Variants in RBM46 observed in about 807,000 individuals in gnomAD.
RBM46 encodes RNA binding motif protein 46, also known as probable RNA-binding protein 46.
Under a neutral mutation model 43.3 loss-of-function variants are expected in RBM46, and 12 were observed. The ratio of observed to expected loss-of-function variants is 0.28; its 90% CI spans 0.18 to 0.45. RBM46 has a LOEUF of 0.45. RBM46 is among the 20% of genes least tolerant of loss of function. The pLI is 1.00. For missense variants in RBM46, 412 were observed against 639.1 expected, an observed-to-expected ratio of 0.64 and a Z score of 3.83; for synonymous variants, 205 against 207.6, an observed-to-expected ratio of 0.99 and a Z score of 0.11.
chr4:154,820,886 A>C (rs964586935), intron 4 of RBM46, among the ~76,000 whole-genome samples: 1 of 151,870 alleles, frequency 6.6e-6, no homozygotes, highest in African/African-American at 2.4e-5. Flanking sequence ...AGGAAGTTAA[A>C]AGATAGCTTA....
chr4:154,817,408 C>T (rs1457229221), intron 4 of RBM46, among the ~76,000 whole-genome samples: 1 of 150,262 alleles, frequency 6.7e-6, no homozygotes, highest in African/African-American at 2.5e-5. Context: ...TCTCGGCTCA[C>T]TGCAACCTCC....
chr4:154,822,136 A>G (rs2111213008), intron 4 of RBM46, among the ~76,000 whole-genome samples: 1 of 151,924 alleles, frequency 6.6e-6, no homozygotes, highest in South Asian at 2.1e-4. Flanking sequence ...GCCCATACTT[A>G]AAGTGTACAA....
At chr4:154,826,015 CTG>C (rs1426615558) in intron 4 of RBM46, among the ~76,000 whole-genome samples, 1 of 152,034 alleles carries the variant, frequency 6.6e-6, no homozygotes, top group African/African-American at 2.4e-5. Context: ...AAGAAATTGA[CTG>C]TATTTGCATA....
intron 4 of RBM46, among the ~76,000 whole-genome samples, chr4:154,803,702 CAAAAAAAAAAAAAAA>C (rs35506499): frequency 7.3e-5 from 3 of 41,324 alleles, no homozygotes; most frequent in Admixed American, 3.9e-4. Flanking sequence ...GACTACGTCT[CAAAAAAAAAAAAAAA>C]AAAAAAAAAA....
intron 4 of RBM46, among the ~76,000 whole-genome samples, chr4:154,809,289 C>T (rs1268463805): frequency 6.6e-6 from 1 of 151,968 alleles, no homozygotes; most frequent in East Asian, 1.9e-4. Flanking sequence ...GGGTTTTCAT[C>T]AATCCTCTGA....
intron 4 of RBM46, among the ~76,000 whole-genome samples, chr4:154,825,042 C>G (rs1735894090): frequency 6.6e-6 from 1 of 151,964 alleles, no homozygotes; most frequent in African/African-American, 2.4e-5. Flanking sequence ...TATCAGTGTT[C>G]CAAGTGTTAA....
At chr4:154,790,370 G>C (rs1734022133) in intron 1 of RBM46, 1 of 152,176 alleles carries the variant, frequency 6.6e-6, no homozygotes, top group South Asian at 2.1e-4. Flanking sequence ...GATATGTTGT[G>C]CTGAGAACAG....
chr4:154,795,898 C>G (rs1454814988), intron 1 of RBM46, among the ~76,000 whole-genome samples: 1 of 152,136 alleles, frequency 6.6e-6, no homozygotes, highest in African/African-American at 2.4e-5. Flanking sequence ...TGGCTCACAT[C>G]TATAACCCCA....
chr4:154,808,388 C>G (rs982533544), intron 4 of RBM46, among the ~76,000 whole-genome samples: 2 of 151,662 alleles, frequency 1.3e-5, no homozygotes, highest in Non-Finnish European at 2.9e-5. Context: ...TTTCTTTGTA[C>G]TTTTCTTTAA....
At chr4:154,807,269 C>T (rs113932823) in intron 4 of RBM46, among the ~76,000 whole-genome samples, 5 of 151,624 alleles carry the variant, frequency 3.3e-5, no homozygotes, top group African/African-American at 4.8e-5. Flanking sequence ...TCCCTAAATA[C>T]GTATTTTTAA....
intron 4 of RBM46, chr4:154,827,428 G>C (rs1038352096): frequency 2.0e-6 from 2 of 994,380 alleles, no homozygotes; most frequent in Admixed American, 5.9e-5. Context: ...GTCCAGGGGT[G>C]AATGTTTCTG....
At chr4:154,790,207 T>A (rs144930207) in intron 1 of RBM46, 1 of 152,222 alleles carries the variant, frequency 6.6e-6, no homozygotes, top group African/African-American at 2.4e-5. Context: ...TCTTGCCTTC[T>A]GCTAGCTTTT....
intron 4 of RBM46, among the ~76,000 whole-genome samples, chr4:154,805,531 C>CT (rs947073215): frequency 4.0e-5 from 6 of 151,662 alleles, no homozygotes; most frequent in African/African-American, 1.2e-4. Flanking sequence ...TTAGCTTATC[C>CT]TTTTTTTCAA....
At chr4:154,818,063 A>G (rs1214630269) in intron 4 of RBM46, among the ~76,000 whole-genome samples, 1 of 152,054 alleles carries the variant, frequency 6.6e-6, no homozygotes, top group Non-Finnish European at 1.5e-5. Flanking sequence ...ACTTATATAT[A>G]TATATTTAAA....
In RBM46 at chr4:154,824,870, C is replaced by G. The variant is rs146331168; in HGVS notation, c.1403-2998C>G. Among the ~76,000 whole-genome samples the G allele has an allele frequency of 6.6e-3, 1,000 of 152,132 alleles. 14 individuals are homozygous for G. The highest frequency in any genetic ancestry group is 0.023 in the African/African-American group (963 of 41,544). On this transcript the variant is annotated intron_variant, in intron 4 of 4. Transcript: ENST00000281722. ...GAAATAGAAATCAGAAGGTGGCTGC[C>G]TCCAAGTGAAGGTCTGTTGGCTGGA...
intron 1 of RBM46, among the ~76,000 whole-genome samples, chr4:154,789,634 T>C (rs912698235): frequency 7.2e-5 from 11 of 152,178 alleles, no homozygotes; most frequent in South Asian, 2.1e-4. Context: ...TCTAAAATTC[T>C]CTTTTTTTGT....
At chr4:154,819,902 T>C (rs941616351) in intron 4 of RBM46, among the ~76,000 whole-genome samples, 16 of 152,192 alleles carry the variant, frequency 1.1e-4, no homozygotes, top group Admixed American at 9.2e-4. Flanking sequence ...TTAGTATTAT[T>C]TTGGCCATCT....
chr4:154,808,760 G>A (rs1055206681), intron 4 of RBM46, among the ~76,000 whole-genome samples: 1 of 152,044 alleles, frequency 6.6e-6, no homozygotes, highest in African/African-American at 2.4e-5. Context: ...TGAAATGCTT[G>A]TTAATTTAAA....
At chr4:154,817,114 G>T (rs1340089855) in intron 4 of RBM46, among the ~76,000 whole-genome samples, 1 of 151,794 alleles carries the variant, frequency 6.6e-6, no homozygotes, top group Non-Finnish European at 1.5e-5. Context: ...TAGTGAGATT[G>T]ACTCATTCTT....
Sources: gnomAD v4.1 joint callset for allele counts (sites outside exome capture counted in the v4.1 genomes callset) on GRCh38, gnomAD v4.1.1 for gene constraint, MANE v1.5 for transcripts, NCBI Gene and HGNC (gene_info 2026-07-23, HGNC 2026-07-21) for gene names.